Variants in TAF4 observed in about 807,000 individuals in gnomAD.
TAF4 encodes the protein transcription initiation factor TFIID subunit 4.
A neutral mutation model predicts 90.3 loss-of-function variants in TAF4; 9 were observed. The ratio of observed to expected loss-of-function variants is 0.10; its 90% CI spans 0.06 to 0.17. TAF4 has a LOEUF of 0.17. TAF4 is among the 10% of genes least tolerant of loss of function. TAF4 has a pLI of 1.00. For missense variants in TAF4, 1,351 were observed against 1,370.7 expected, an observed-to-expected ratio of 0.99 and a Z score of 0.23; for synonymous variants, 818 against 638.9, an observed-to-expected ratio of 1.28 and a Z score of -4.23.
At chr20:62,014,022 GT>G (rs1325287263) in intron 2 of TAF4, among the ~76,000 whole-genome samples, 15 of 88,552 alleles carry the variant, frequency 1.7e-4, no homozygotes, top group African/African-American at 6.8e-4. Context: ...GGGTGTGGGT[GT>G]GTGTGTGTGT....
chr20:61,988,217 G>T (rs1475934501), intron 14 of TAF4, among the ~76,000 whole-genome samples: 1 of 152,028 alleles, frequency 6.6e-6, no homozygotes, highest in Non-Finnish European at 1.5e-5. Context: ...AGCTGGGTGA[G>T]AAGGACGTGT....
chr20:62,065,508 C>T lies in TAF4; in HGVS notation c.303G>A (p.Gly101=), dbSNP rs2056125739. Residue 101 remains glycine (G), a synonymous_variant, in exon 1 of 15, where the codon GGG becomes GGA. Coordinates refer to ENST00000252996, the MANE Select transcript of TAF4 (RefSeq NM_003185.4). The part of the protein sequence containing the change: ...PAGRARPGGG[G]PQRPGPPSPR... ...GTGAGGGGGGGCCCGGGCGCTGCGG[C>T]CCCCCGCCCCCCGGCCGCGCTCTAC... 2 of 971,756 alleles carry T rather than the reference C, an allele frequency of 2.1e-6. No homozygotes were observed. The highest frequency in any genetic ancestry group is 2.4e-6 in the Non-Finnish European group (2 of 821,402). 60.2% of individuals were successfully genotyped at this position (971,756 alleles called of 1,614,324 possible). A position where few individuals can be genotyped will look rare whatever the true frequency, so the allele number is the denominator to read the frequency against.
chr20:62,049,413 A>C (rs2056013363), intron 1 of TAF4, among the ~76,000 whole-genome samples: 1 of 152,016 alleles, frequency 6.6e-6, no homozygotes, highest in Non-Finnish European at 1.5e-5. Context: ...TCCCCTGCTC[A>C]GTGACCACCG....
intron 9 of TAF4, among the ~76,000 whole-genome samples, chr20:62,002,628 C>G (rs2055713987): frequency 1.3e-5 from 2 of 152,172 alleles, no homozygotes; most frequent in South Asian, 4.1e-4. Context: ...GTAGCTAGGC[C>G]CACAGGCACA....
At chr20:61,998,488 G>T (rs1244695080) in intron 12 of TAF4, among the ~76,000 whole-genome samples, 1 of 152,154 alleles carries the variant, frequency 6.6e-6, no homozygotes, top group Non-Finnish European at 1.5e-5. Flanking sequence ...AGGCAGAATG[G>T]GCCTCATAGG....
intron 14 of TAF4, among the ~76,000 whole-genome samples, chr20:61,985,273 G>A (rs1435749188): frequency 6.6e-6 from 1 of 151,824 alleles, no homozygotes; most frequent in Non-Finnish European, 1.5e-5. Context: ...GTGAATGACG[G>A]CCACACTGAA....
At position 62,065,519 on chromosome 20, in the gene TAF4, C is replaced by G; in HGVS notation, c.292G>C (p.Gly98Arg). ...CCCGGGCGCTGCGGCCCCCCGCCCCCCGGCCGCGCTCTACCTGCGGGGGGC... is the reference window on the plus strand; with the variant it reads ...CCCGGGCGCTGCGGCCCCCCGCCCCGCGGCCGCGCTCTACCTGCGGGGGGC... ...EPPPAGRARP[G>R]GGGPQRPGPP... Residue 98 changes from glycine to arginine, a missense_variant, in exon 1 of 15, where the codon GGG (glycine) becomes CGG (arginine). Transcript: ENST00000252996. 1 of 976,904 alleles carries G rather than the reference C, an allele frequency of 1.0e-6. No homozygotes were observed. Among genetic ancestry groups the G allele is most frequent in the Non-Finnish European group, 1.2e-6 (1 of 825,770 alleles). The allele number at this position is 976,904 out of a possible 1,614,324, so 60.5% of individuals were successfully genotyped here. A position where few individuals can be genotyped will look rare whatever the true frequency, so the allele number is the denominator to read the frequency against.
At chr20:62,052,536 C>T (rs1215090734) in intron 1 of TAF4, among the ~76,000 whole-genome samples, 1 of 151,842 alleles carries the variant, frequency 6.6e-6, no homozygotes, top group Non-Finnish European at 1.5e-5. Context: ...CCCGTGTGTG[C>T]CCTGTGGGTC....
At chr20:62,040,335 A>C (rs963138690) in intron 1 of TAF4, among the ~76,000 whole-genome samples, 10 of 152,260 alleles carry the variant, frequency 6.6e-5, no homozygotes, top group African/African-American at 2.4e-4. Flanking sequence ...CTTGGGCACC[A>C]CGCAGAAGTA....
At position 62,010,487 on chromosome 20, in the gene TAF4, A is replaced by C. The variant is rs183897124; in HGVS notation, c.1642-322T>G. On this transcript the variant is annotated intron_variant, in intron 3 of 14. Coordinates refer to ENST00000252996, the MANE Select transcript of TAF4 (RefSeq NM_003185.4). This position sits in a 1 kb window ranked among gnomAD's most constrained non-coding sequence, Gnocchi z 4.5. ...ATGGAAAAAGTCACATAGAGACCAG[A>C]GTAAATAATCCTAACAGGCAACCCA... Among the ~76,000 whole-genome samples the C allele has an allele frequency of 6.6e-6, 1 of 152,154 alleles. No individual in the cohort carries two copies. Among genetic ancestry groups the C allele is most frequent in the Non-Finnish European group, 1.5e-5 (1 of 68,018 alleles).
At chr20:62,005,532 A>G (rs1048893207) in intron 7 of TAF4, 2 of 152,264 alleles carry the variant, frequency 1.3e-5, no homozygotes, top group Admixed American at 6.5e-5. Context: ...TGACTAGTGA[A>G]CAGGGAAGTT....
At chr20:62,060,407 G>A (rs531477633) in intron 1 of TAF4, among the ~76,000 whole-genome samples, 2 of 152,364 alleles carry the variant, frequency 1.3e-5, no homozygotes, top group South Asian at 2.1e-4. Flanking sequence ...GAGCGTCACA[G>A]GACCCCGACT....
chr20:61,988,073 G>A (rs563040326), intron 14 of TAF4, among the ~76,000 whole-genome samples: 11 of 152,242 alleles, frequency 7.2e-5, no homozygotes, highest in African/African-American at 1.7e-4. Context: ...AGGGATGAAC[G>A]GGCAGAGCAC....
chr20:61,998,821 A>T (rs1000003021), intron 12 of TAF4, among the ~76,000 whole-genome samples, 162 bp downstream of exon 12: 3 of 152,172 alleles, frequency 2.0e-5, no homozygotes, highest in African/African-American at 7.2e-5. Flanking sequence ...CAAATGAATG[A>T]GGCTTCTCTT....
intron 1 of TAF4, among the ~76,000 whole-genome samples, chr20:62,017,636 G>C (rs537525399): frequency 6.6e-5 from 10 of 152,162 alleles, no homozygotes; most frequent in African/African-American, 2.4e-4. Context: ...GACAGAGCGA[G>C]ACTCCGTCTC....
chr20:62,057,464 A>G (rs1020698377), intron 1 of TAF4, among the ~76,000 whole-genome samples: 3 of 152,210 alleles, frequency 2.0e-5, no homozygotes, highest in Admixed American at 6.5e-5. Context: ...ACTATTCGGA[A>G]ATGGTCCCTC....
At chr20:62,039,709 C>T (rs1396415744) in intron 1 of TAF4, among the ~76,000 whole-genome samples, 1 of 152,180 alleles carries the variant, frequency 6.6e-6, no homozygotes. Context: ...AAAAGGCAAA[C>T]ACAGACCAAG....
chr20:62,013,076 T>C (rs2055789041), intron 2 of TAF4, 142 bp from the exon 3 acceptor site: 43 of 1,247,678 alleles, frequency 3.4e-5, no homozygotes, highest in Non-Finnish European at 4.2e-5. Flanking sequence ...ATGAAGCCAC[T>C]GTAATTCTAA....
intron 14 of TAF4, among the ~76,000 whole-genome samples, chr20:61,994,791 G>T (rs1363875619): frequency 6.6e-6 from 1 of 152,218 alleles, no homozygotes; most frequent in Non-Finnish European, 1.5e-5. Flanking sequence ...ATGTGCATCA[G>T]ACAGCAGCTG....
Sources: allele counts gnomAD v4.1 joint callset (sites outside exome capture counted in the v4.1 genomes callset), GRCh38; gene constraint gnomAD v4.1.1; non-coding constraint Gnocchi (gnomAD v3.1); transcripts MANE v1.5; gene names NCBI Gene and HGNC (gene_info 2026-07-23, HGNC 2026-07-21).